Variants in PLCE1 observed in about 807,000 individuals in gnomAD.
PLCE1 encodes the protein 1-phosphatidylinositol 4,5-bisphosphate phosphodiesterase epsilon-1.
In PLCE1, 119 loss-of-function variants were observed where a neutral mutation model predicts 242.8. The ratio of observed to expected loss-of-function variants is 0.49; its 90% CI spans 0.42 to 0.57. The LOEUF is 0.57. PLCE1 is among the 20% of genes least tolerant of loss of function. The pLI is 0.00. For synonymous variants in PLCE1, 945 were observed against 1,017.4 expected, an observed-to-expected ratio of 0.93 and a Z score of 1.35; for missense variants, 2,441 against 2,788.8, an observed-to-expected ratio of 0.88 and a Z score of 2.81.
chr10:94,298,074 G>T lies in PLCE1; in HGVS notation c.5168-305G>T. Among the ~76,000 whole-genome samples, 1 of 151,780 alleles carries T rather than the reference G, an allele frequency of 6.6e-6. No homozygotes were observed. Among genetic ancestry groups the T allele is most frequent in the African/African-American group, 2.4e-5 (1 of 41,304 alleles). On this transcript the variant is annotated intron_variant, in intron 23 of 32. Coordinates refer to ENST00000371380, the MANE Select transcript of PLCE1 (RefSeq NM_016341.4). The surrounding 1 kb of genome is among the most constrained non-coding windows in gnomAD (Gnocchi z 5.2). ...TTATTTTTTTACTTTTTGTAGAGATGGGCTCTCACCATGTTGCCCAGGCTG... is the reference window on the plus strand; with the variant it reads ...TTATTTTTTTACTTTTTGTAGAGATTGGCTCTCACCATGTTGCCCAGGCTG...
intron 23 of PLCE1, among the ~76,000 whole-genome samples, chr10:94,295,952 G>T (rs2052795709): frequency 6.6e-6 from 1 of 152,188 alleles, no homozygotes; most frequent in Non-Finnish European, 1.5e-5. Flanking sequence ...AGCTGCATTA[G>T]CCCCTAACAA....
intron 13 of PLCE1, 137 bp downstream of exon 13, chr10:94,259,287 T>TC: frequency 1.8e-6 from 1 of 554,098 alleles, no homozygotes; most frequent in East Asian, 4.1e-5. Context: ...TTAAGAGAAT[T>TC]TTTTTTTTTT....
At chr10:94,187,672 A>G (rs1435950727) in intron 4 of PLCE1, among the ~76,000 whole-genome samples, 2 of 152,142 alleles carry the variant, frequency 1.3e-5, no homozygotes. Flanking sequence ...ACTCAGCCGC[A>G]GGTCAAAGCA....
chr10:94,039,456 A>C (rs1006398016), intron 2 of PLCE1, among the ~76,000 whole-genome samples: 1 of 150,986 alleles, frequency 6.6e-6, no homozygotes, highest in Non-Finnish European at 1.5e-5. Flanking sequence ...ATCTAGACTC[A>C]CTGCAACCTC....
At chr10:94,189,301 T>C (rs1312355214) in intron 4 of PLCE1, among the ~76,000 whole-genome samples, 1 of 148,310 alleles carries the variant, frequency 6.7e-6, no homozygotes, top group African/African-American at 2.4e-5. Flanking sequence ...TTATATAATA[T>C]ATAGTACACA....
In PLCE1 at chr10:94,031,520, A is replaced by T. The variant is rs1028185313; in HGVS notation, c.474A>T (p.Arg158Ser). 6.2e-7 allele frequency: 1 copy of T among 1,612,650 alleles called. No individual in the cohort carries two copies. Among genetic ancestry groups the T allele is most frequent in the Non-Finnish European group, 8.5e-7 (1 of 1,179,846 alleles). The change falls in exon 2 of 33, where the codon AGA becomes AGT. Residue 158 changes from arginine to serine, a missense_variant. Physicochemically the swap from Arg to Ser is moderately radical, Grantham distance 110. Transcript: ENST00000371380. ...VFPGIQLELD[R>S]PSMGISPLGN... Reference sequence around the variant, plus strand: ...CTGGAATTCAACTGGAACTAGACAGACCTTCCATGGGCATTAGTCCTTTAG... The same window carrying T: ...CTGGAATTCAACTGGAACTAGACAGTCCTTCCATGGGCATTAGTCCTTTAG...
intron 4 of PLCE1, among the ~76,000 whole-genome samples, chr10:94,214,220 CA>C (rs983418736): frequency 6.6e-6 from 1 of 152,158 alleles, no homozygotes; most frequent in Non-Finnish European, 1.5e-5. Flanking sequence ...GAAGACTGTC[CA>C]AGTGCCTTAC....
chr10:94,018,550 C>T (rs2061322034), intron 1 of PLCE1, among the ~76,000 whole-genome samples: 1 of 152,184 alleles, frequency 6.6e-6, no homozygotes, highest in African/African-American at 2.4e-5. Flanking sequence ...GGAAAGTCTT[C>T]ACTGATGACT....
intron 4 of PLCE1, among the ~76,000 whole-genome samples, chr10:94,187,937 C>CA (rs970644883): frequency 2.1e-4 from 32 of 152,142 alleles, no homozygotes; most frequent in African/African-American, 7.0e-4. Flanking sequence ...CCAGCCCCTA[C>CA]AACCCCCTCT....
chr10:94,026,521 T>C (rs907137065), intron 1 of PLCE1, among the ~76,000 whole-genome samples: 6 of 152,274 alleles, frequency 3.9e-5, no homozygotes, highest in African/African-American at 1.4e-4. Flanking sequence ...TTAGGTTATC[T>C]TTAGCCAACA....
intron 3 of PLCE1, among the ~76,000 whole-genome samples, chr10:94,158,658 A>G (rs1354140170): frequency 1.3e-5 from 2 of 152,148 alleles, no homozygotes; most frequent in African/African-American, 2.4e-5. Context: ...AAAATCTAAT[A>G]TTCAAAGAAT....
chr10:94,318,803 G>A (rs1219249310), intron 29 of PLCE1, among the ~76,000 whole-genome samples: 2 of 152,222 alleles, frequency 1.3e-5, no homozygotes, highest in Admixed American at 1.3e-4. Flanking sequence ...GCTCACACCT[G>A]TAATCCCAGC....
At chr10:94,184,624 C>G (rs895857408) in intron 4 of PLCE1, among the ~76,000 whole-genome samples, 1 of 152,232 alleles carries the variant, frequency 6.6e-6, no homozygotes, top group Non-Finnish European at 1.5e-5. Flanking sequence ...GCCACCACGC[C>G]CGGCCCTCCA....
intron 4 of PLCE1, among the ~76,000 whole-genome samples, chr10:94,176,092 C>T (rs567457193): frequency 2.2e-4 from 33 of 152,146 alleles, no homozygotes; most frequent in Admixed American, 6.5e-4. Context: ...AGTGGGGTTG[C>T]GAGATCACTG....
rs563530070 is a variant in PLCE1, at chr10:94,126,761, A to G, written c.1207-5413A>G. 2.0e-5 allele frequency among the ~76,000 whole-genome samples: 3 copies of G among 152,372 alleles called. No individual in the cohort carries two copies. In the South Asian group the frequency reaches 6.2e-4, roughly 32 times the overall value. ...CTATAAATCTTCACATAAAGGAAGC[A>G]TATTTGGTCATTCATTAGACTTAAC... On this transcript the variant is annotated intron_variant, in intron 2 of 32. Transcript: ENST00000371380.
At chr10:94,192,617 T>C (rs1356789809) in intron 4 of PLCE1, among the ~76,000 whole-genome samples, 1 of 152,368 alleles carries the variant, frequency 6.6e-6, no homozygotes, top group Non-Finnish European at 1.5e-5. Flanking sequence ...GTTTTCCTAT[T>C]GTAAATAGTG....
chr10:94,141,658 A>T lies in PLCE1; in HGVS notation c.1492+9199A>T, dbSNP rs112697577. Among the ~76,000 whole-genome samples the T allele has an allele frequency of 8.4e-4, 88 of 105,316 alleles. 17 individuals carry two copies. Among genetic ancestry groups the T allele is most frequent in the Admixed American group, 2.4e-3 (25 of 10,568 alleles). The allele number at this position is 105,316 out of a possible 152,430, so 69.1% of individuals were successfully genotyped here. On this transcript the variant is annotated intron_variant, in intron 3 of 32. Coordinates refer to ENST00000371380, the MANE Select transcript of PLCE1 (RefSeq NM_016341.4). ...GAAAGAAAGAAGGAAGGAAAGAAGA[A>T]AGGGAGGGAGGGAGGAAAGAAAGAA...
At chr10:94,138,574 G>C in intron 3 of PLCE1, 1 of 456,616 alleles carries the variant, frequency 2.2e-6, no homozygotes, top group East Asian at 6.0e-5. Context: ...CAGTTAGGTT[G>C]CTTCAATCTG....
chr10:94,278,946 A>G (rs2052079102), intron 19 of PLCE1, among the ~76,000 whole-genome samples: 1 of 152,158 alleles, frequency 6.6e-6, no homozygotes, highest in African/African-American at 2.4e-5. Context: ...CAATGCATAA[A>G]TATTGAATAA....
Sources: allele counts gnomAD v4.1 joint callset (sites outside exome capture counted in the v4.1 genomes callset), GRCh38; gene constraint gnomAD v4.1.1; non-coding constraint Gnocchi (gnomAD v3.1); transcripts MANE v1.5; gene names NCBI Gene and HGNC (gene_info 2026-07-23, HGNC 2026-07-21).